Variants in HTR2C observed in about 807,000 individuals in gnomAD.
HTR2C encodes the protein 5-hydroxytryptamine receptor 2C.
HTR2C carries 5 observed loss-of-function variants against 21.0 expected under a neutral mutation model. The observed-to-expected ratio is 0.24, with a 90% CI of 0.12 to 0.50. The LOEUF (loss-of-function observed/expected upper bound fraction) is 0.50. HTR2C is among the 20% of genes least tolerant of loss of function. The pLI, the probability that HTR2C is intolerant of heterozygous loss-of-function variation, is 0.98. For synonymous variants in HTR2C, 150 were observed against 145.3 expected, an observed-to-expected ratio of 1.03 and a Z score of -0.23; for missense variants, 271 against 371.2, an observed-to-expected ratio of 0.73 and a Z score of 2.22.
chrX:114,866,134 A>C (rs1351545552), intron 5 of HTR2C, among the ~76,000 whole-genome samples: 2 of 111,495 alleles, frequency 1.8e-5, no homozygotes, highest in Non-Finnish European at 3.8e-5. Context: ...GTTTTTTAAA[A>C]TATTTTCATT....
At chrX:114,811,231 A>C (rs1208110452) in intron 4 of HTR2C, among the ~76,000 whole-genome samples, 1 of 111,822 alleles carries the variant, frequency 8.9e-6, no homozygotes, top group African/African-American at 3.3e-5. Flanking sequence ...GTGCCTAATT[A>C]AAATATAAGC....
intron 1 of HTR2C, among the ~76,000 whole-genome samples, chrX:114,589,383 T>A (rs1927536125): frequency 9.0e-6 from 1 of 111,370 alleles, no homozygotes. Flanking sequence ...GTCAGGGAAA[T>A]AATGCTATTG....
At chrX:114,747,117 G>C (rs782666256) in intron 4 of HTR2C, among the ~76,000 whole-genome samples, 9 of 112,374 alleles carry the variant, frequency 8.0e-5, no homozygotes, top group Non-Finnish European at 1.1e-4. Context: ...TGAGGCTGTA[G>C]TGAGCCATGA....
intron 4 of HTR2C, among the ~76,000 whole-genome samples, chrX:114,766,958 G>C (rs1403720381): frequency 9.0e-6 from 1 of 111,277 alleles, no homozygotes; most frequent in Non-Finnish European, 1.9e-5. Context: ...TAAAGGAAGA[G>C]CATCAACAAG....
At chrX:114,705,463 T>G (rs1932747829) in intron 2 of HTR2C, among the ~76,000 whole-genome samples, 1 of 108,224 alleles carries the variant, frequency 9.2e-6, no homozygotes, top group African/African-American at 3.3e-5. Flanking sequence ...GGGGAAAGGA[T>G]TCCCTATTTA....
intron 2 of HTR2C, among the ~76,000 whole-genome samples, chrX:114,690,726 A>T (rs1466865172): frequency 2.7e-5 from 3 of 111,643 alleles, no homozygotes; most frequent in Admixed American, 1.9e-4. Context: ...CTTGAGATGA[A>T]TGTTATAAAA....
At chrX:114,855,590 C>T (rs2070953215) in intron 5 of HTR2C, among the ~76,000 whole-genome samples, 1 of 109,791 alleles carries the variant, frequency 9.1e-6, no homozygotes, top group African/African-American at 3.3e-5. Flanking sequence ...AGGCTCAAGT[C>T]ATCCATTATT....
intron 4 of HTR2C, among the ~76,000 whole-genome samples, chrX:114,788,701 G>A (rs1395447827): frequency 1.8e-5 from 2 of 111,712 alleles, no homozygotes; most frequent in Non-Finnish European, 3.8e-5. Flanking sequence ...AAGATGGAGT[G>A]CTATGGCATA....
chrX:114,663,313 G>T (rs1274176660), intron 2 of HTR2C, among the ~76,000 whole-genome samples: 1 of 110,861 alleles, frequency 9.0e-6, no homozygotes, highest in East Asian at 2.8e-4. Context: ...TAATAAGCAG[G>T]ATGGTATGAT....
rs782684414 is a variant in HTR2C, at chrX:114,740,267, T to C, written c.349+8660T>C. Among the ~76,000 whole-genome samples, 144 of 109,858 alleles carry C rather than the reference T, an allele frequency of 1.3e-3. 1 individual carries two copies. Among genetic ancestry groups the C allele is most frequent in the African/African-American group, 4.6e-3 (138 of 30,245 alleles). On this transcript the variant is annotated intron_variant, in intron 4 of 5. Transcript: ENST00000276198. Reference sequence around the variant, plus strand: ...AAATGCAAAATAAATGACACCATGATACCATTTTTTAACCTATCAGATTGG... The same window carrying C: ...AAATGCAAAATAAATGACACCATGACACCATTTTTTAACCTATCAGATTGG...
chrX:114,625,883 A>G (rs1012758066), intron 2 of HTR2C, among the ~76,000 whole-genome samples: 9 of 111,455 alleles, frequency 8.1e-5, no homozygotes, highest in Non-Finnish European at 1.7e-4. Flanking sequence ...ACTCAGTAAT[A>G]GGAGATCAGC....
intron 1 of HTR2C, among the ~76,000 whole-genome samples, chrX:114,608,762 T>C (rs1556397884): frequency 8.9e-6 from 1 of 111,910 alleles, no homozygotes; most frequent in Non-Finnish European, 1.9e-5. Flanking sequence ...TAACAATAAA[T>C]TGATTCAGAA....
At chrX:114,773,894 T>C (rs1556437863) in intron 4 of HTR2C, among the ~76,000 whole-genome samples, 1 of 104,870 alleles carries the variant, frequency 9.5e-6, no homozygotes, top group East Asian at 3.6e-4. Context: ...CATCCCACCC[T>C]GTGTCCAAAC....
chrX:114,764,275 G>A (rs1474008895), intron 4 of HTR2C, among the ~76,000 whole-genome samples: 2 of 109,987 alleles, frequency 1.8e-5, no homozygotes, highest in Non-Finnish European at 3.8e-5. Flanking sequence ...GCGCATGCCT[G>A]TAATCCCAGC....
intron 2 of HTR2C, among the ~76,000 whole-genome samples, chrX:114,717,201 A>T (rs1270745514): frequency 9.1e-6 from 1 of 110,209 alleles, no homozygotes; most frequent in East Asian, 2.9e-4. Flanking sequence ...CCTCTCAAGT[A>T]GCTAGGACCA....
chrX:114,649,130 G>A (rs1180978975), intron 2 of HTR2C, among the ~76,000 whole-genome samples: 3 of 111,671 alleles, frequency 2.7e-5, no homozygotes. Flanking sequence ...CATGTTTTAA[G>A]TATTTTCCAC....
chrX:114,867,829 C>T (rs782641048), intron 5 of HTR2C, among the ~76,000 whole-genome samples: 2 of 103,940 alleles, frequency 1.9e-5, no homozygotes, highest in African/African-American at 7.0e-5. Flanking sequence ...TGTGTAGATT[C>T]GTTTCTGGTC....
chrX:114,884,948 A>T (rs2147522227), intron 5 of HTR2C, among the ~76,000 whole-genome samples: 1 of 110,645 alleles, frequency 9.0e-6, no homozygotes, highest in Admixed American at 9.7e-5. Context: ...TTGTTTTATG[A>T]TATAGCATAT....
At position 114,803,780 on chromosome X, in the gene HTR2C, T is replaced by C. The variant is rs943195320; in HGVS notation, c.350-44223T>C. ...TTTTGTCTTTTGTTTCCATTGCTTTTGGTGTTTTAGACATGAAGTCCTTGC... is the reference window on the plus strand; with the variant it reads ...TTTTGTCTTTTGTTTCCATTGCTTTCGGTGTTTTAGACATGAAGTCCTTGC... On this transcript the variant is annotated intron_variant, in intron 4 of 5. Coordinates refer to ENST00000276198, the MANE Select transcript of HTR2C (RefSeq NM_000868.4). Among the ~76,000 whole-genome samples the C allele has an allele frequency of 5.4e-5, 6 of 110,837 alleles. No individual in the cohort carries two copies. The South Asian group carries it at 1.9e-3, about 36-fold the overall frequency.
Sources: gnomAD v4.1 joint callset for allele counts (sites outside exome capture counted in the v4.1 genomes callset) on GRCh38, gnomAD v4.1.1 for gene constraint, MANE v1.5 for transcripts, NCBI Gene and HGNC (gene_info 2026-07-23, HGNC 2026-07-21) for gene names.